Variants in DGKB observed in about 807,000 individuals in gnomAD.
DGKB encodes the protein 90 kDa diacylglycerol kinase.
DGKB carries 67 observed loss-of-function variants against 114.3 expected under a neutral mutation model. That is an observed-to-expected ratio of 0.59 (90% CI 0.48 to 0.72). The LOEUF (loss-of-function observed/expected upper bound fraction) is 0.72, where lower values mean the gene tolerates loss of function less well. DGKB is among the 30% of genes least tolerant of loss of function. DGKB has a pLI of 0.00. For synonymous variants in DGKB, 398 were observed against 323.1 expected (o/e 1.23, Z -2.49); for missense variants, 907 against 975.2 (o/e 0.93, Z 0.93).
At chr7:14,755,384 G>C (rs1180407694) in intron 3 of DGKB, among the ~76,000 whole-genome samples, 2 of 152,118 alleles carry the variant, frequency 1.3e-5, no homozygotes, top group Non-Finnish European at 2.9e-5. Context: ...TATGTTGTAG[G>C]AGGATAAGCA....
At chr7:14,747,775 G>GCGCGCGCGCACACACACACACA in intron 4 of DGKB, among the ~76,000 whole-genome samples, 41 of 149,278 alleles carry the variant, frequency 2.7e-4, no homozygotes, top group African/African-American at 9.3e-4. Context: ...ACATCCACGC[G>GCGCGCGCGCACACACACACACA]CACGCACACA....
intron 23 of DGKB, among the ~76,000 whole-genome samples, chr7:14,330,250 T>G (rs1167888418): frequency 6.6e-6 from 1 of 151,980 alleles, no homozygotes; most frequent in East Asian, 1.9e-4. Context: ...TTGCAACTAT[T>G]AAATTGATCA....
intron 20 of DGKB, among the ~76,000 whole-genome samples, chr7:14,570,205 A>T (rs1023975631): frequency 1.3e-5 from 2 of 151,556 alleles, no homozygotes; most frequent in African/African-American, 4.8e-5. Flanking sequence ...TGCAAAGTCA[A>T]TTTTTCAATA....
At chr7:14,216,717 C>T (rs1789024132) in intron 23 of DGKB, among the ~76,000 whole-genome samples, 2 of 124,854 alleles carry the variant, frequency 1.6e-5, no homozygotes, top group Non-Finnish European at 3.2e-5. Flanking sequence ...CAGAGCAAGA[C>T]TCCGTCTCAA....
rs372954399 is a variant in DGKB, at chr7:14,882,117, G to T, written c.-188+20475C>A. Among the ~76,000 whole-genome samples the T allele has an allele frequency of 1.8e-4, 27 of 151,940 alleles. No homozygotes were observed. The South Asian group carries it at 4.6e-3, about 26-fold the overall frequency. On this transcript the variant is annotated intron_variant, in intron 1 of 25. Transcript: ENST00000402815. ...ACATTCCCAGGCAAGAGATTTTCATGGTCTCAAAAAGATTAATAGAGAGTA... is the reference window on the plus strand; with the variant it reads ...ACATTCCCAGGCAAGAGATTTTCATTGTCTCAAAAAGATTAATAGAGAGTA...
intron 9 of DGKB, among the ~76,000 whole-genome samples, chr7:14,693,796 T>G (rs1358732269): frequency 6.6e-6 from 1 of 151,992 alleles, no homozygotes; most frequent in Non-Finnish European, 1.5e-5. Flanking sequence ...GGTCAGTAAC[T>G]TAAAAACACT....
chr7:14,651,356 A>C (rs1431859458), intron 13 of DGKB, among the ~76,000 whole-genome samples: 1 of 151,386 alleles, frequency 6.6e-6, no homozygotes, highest in Admixed American at 6.6e-5. Context: ...ACGCAAATCA[A>C]TAAATGTAAT....
chr7:14,300,562 T>C (rs1001499777), intron 23 of DGKB, among the ~76,000 whole-genome samples: 1 of 152,170 alleles, frequency 6.6e-6, no homozygotes, highest in Non-Finnish European at 1.5e-5. Flanking sequence ...AATGGAGTTA[T>C]GTATTCTTAT....
At chr7:14,665,414 C>T (rs914658981) in intron 13 of DGKB, among the ~76,000 whole-genome samples, 8 of 151,818 alleles carry the variant, frequency 5.3e-5, no homozygotes, top group African/African-American at 1.7e-4. Context: ...ATAAGTAATG[C>T]ATAGTAGGCT....
At chr7:14,284,334 T>G (rs1800473416) in intron 23 of DGKB, among the ~76,000 whole-genome samples, 1 of 142,744 alleles carries the variant, frequency 7.0e-6, no homozygotes, top group African/African-American at 2.9e-5. Context: ...CCAGTTAGAA[T>G]GGCAATCATT....
rs185513042 is a variant in DGKB, at chr7:14,540,174, T to C, written c.1770+34038A>G. Among the ~76,000 whole-genome samples, 230 of 152,140 alleles carry C rather than the reference T, an allele frequency of 1.5e-3. 6 individuals are homozygous for C. The South Asian group carries it at 0.017, about 11-fold the overall frequency. ...ATAAAGGAACATTCCCATACATCAT[T>C]TTGGGAGGTATAATATTTGTTATTA... On this transcript the variant is annotated intron_variant, in intron 20 of 25. Coordinates refer to ENST00000402815, the MANE Select transcript of DGKB (RefSeq NM_001350709.2).
chr7:14,261,601 T>G (rs1796786909), intron 23 of DGKB, among the ~76,000 whole-genome samples: 2 of 152,254 alleles, frequency 1.3e-5, no homozygotes, highest in African/African-American at 4.8e-5. Context: ...ATTCAATTAA[T>G]CCATAATCCA....
chr7:14,368,815 G>A (rs1817141625), intron 21 of DGKB, among the ~76,000 whole-genome samples: 2 of 152,100 alleles, frequency 1.3e-5, no homozygotes, highest in Non-Finnish European at 2.9e-5. Flanking sequence ...GCTTGTGAGG[G>A]AAAAGTAGGT....
intron 14 of DGKB, among the ~76,000 whole-genome samples, chr7:14,628,164 C>T (rs1165466197): frequency 2.6e-5 from 4 of 152,024 alleles, no homozygotes; most frequent in Non-Finnish European, 4.4e-5. Flanking sequence ...TCTGTTTATG[C>T]CAGTTCTAAG....
chr7:14,278,193 T>G (rs1799315865), intron 23 of DGKB, among the ~76,000 whole-genome samples: 1 of 150,804 alleles, frequency 6.6e-6, no homozygotes, highest in South Asian at 2.1e-4. Context: ...CACATCAATC[T>G]TGAGTAAAAA....
At chr7:14,165,956 CT>C (rs1200884079) in intron 25 of DGKB, among the ~76,000 whole-genome samples, 1 of 152,132 alleles carries the variant, frequency 6.6e-6, no homozygotes, top group Non-Finnish European at 1.5e-5. Flanking sequence ...CTTTCTGAAC[CT>C]TTTATCCTTA....
rs1429743400 is a variant in DGKB at position 14,691,601 on chromosome 7, AGAT to A, written c.711+2471_711+2473del. Among the ~76,000 whole-genome samples the A allele has an allele frequency of 2.0e-5, 3 of 152,220 alleles. No homozygotes were observed. In the East Asian group the frequency reaches 5.8e-4, roughly 29 times the overall value. ...AATTCAACAGCTCTTTCTAACAAAT[AGAT>A]GCTGTATTTTGTGATCATTACACAT... is the stretch of plus-strand genomic sequence containing the variant. On this transcript the variant is annotated intron_variant, in intron 9 of 25. Transcript: ENST00000402815.
chr7:14,429,290 G>A lies in DGKB; in HGVS notation c.1835+48871C>T, dbSNP rs541880427. The stretch of plus-strand genomic sequence containing the variant: ...CATGATGGGATTAGTGGTGCCATAA[G>A]AAGAGAGGAGATAACTTGCTCTCTC... On this transcript the variant is annotated intron_variant, in intron 21 of 25. Coordinates refer to ENST00000402815, the MANE Select transcript of DGKB (RefSeq NM_001350709.2). Among the ~76,000 whole-genome samples, 58 of 152,212 alleles carry A rather than the reference G, an allele frequency of 3.8e-4. 1 individual carries two copies. In the South Asian group the frequency reaches 0.012, roughly 31 times the overall value.
intron 21 of DGKB, among the ~76,000 whole-genome samples, chr7:14,346,334 T>G (rs945559265): frequency 6.6e-6 from 1 of 151,960 alleles, no homozygotes; most frequent in Non-Finnish European, 1.5e-5. Context: ...CTTATTATTA[T>G]GCTATGTTAA....
Sources: allele counts gnomAD v4.1 joint callset (sites outside exome capture counted in the v4.1 genomes callset), GRCh38; gene constraint gnomAD v4.1.1; transcripts MANE v1.5; gene names NCBI Gene and HGNC (gene_info 2026-07-23, HGNC 2026-07-21).